The following CDKL2 variants were observed in gnomAD, a reference collection of about 807,000 sequenced individuals.
The protein encoded by CDKL2 is cyclin-dependent kinase-like 2.
Under a neutral mutation model 63.9 loss-of-function variants are expected in CDKL2, and 64 were observed. The ratio of observed to expected loss-of-function variants is 1.00; its 90% CI spans 0.82 to 1.23. CDKL2 has a LOEUF of 1.23. Ranked by LOEUF, CDKL2 falls within the 50% of genes most tolerant of loss-of-function variation. The pLI, the probability that CDKL2 is intolerant of heterozygous loss-of-function variation, is 0.00. For missense variants in CDKL2, 656 were observed against 668.0 expected, an observed-to-expected ratio of 0.98 and a Z score of 0.20; for synonymous variants, 211 against 229.2, an observed-to-expected ratio of 0.92 and a Z score of 0.72.
At chr4:75,581,220 G>A (rs1482630993) in intron 13 of CDKL2, among the ~76,000 whole-genome samples, 1 of 152,236 alleles carries the variant, frequency 6.6e-6, no homozygotes, top group South Asian at 2.1e-4. Flanking sequence ...TAACATCATA[G>A]TGCAATGCAT....
intron 12 of CDKL2, among the ~76,000 whole-genome samples, chr4:75,586,227 C>CTTTTTTTTTTTTT (rs61087984): frequency 6.9e-6 from 1 of 145,232 alleles, no homozygotes; most frequent in Non-Finnish European, 1.5e-5. Flanking sequence ...ACTAACCTTT[C>CTTTTTTTTTTTTT]TTTTTTTTTT....
At chr4:75,590,319 C>T in intron 12 of CDKL2, among the ~76,000 whole-genome samples, 1 of 152,156 alleles carries the variant, frequency 6.6e-6, no homozygotes, top group Non-Finnish European at 1.5e-5. Context: ...AGAGATAAGG[C>T]AAAGCAATCA....
chr4:75,600,359 T>C lies in CDKL2; in HGVS notation c.806A>G (p.His269Arg). ...VVIDLAKKCL[H>R]IDPDKRPFCA... ...GAAGGGTCTTTTGTCGGGGTCAATA[T>C]GTAAGCATTTCTGAAAAATTAAGAA... Residue 269 changes from histidine (H) to arginine (R), a missense_variant, in exon 7 of 14, where the codon CAT becomes CGT. His to Arg is a conservative substitution (Grantham distance 29). Coordinates refer to ENST00000307465, the MANE Select transcript of CDKL2 (RefSeq NM_001330724.2). 3.1e-6 allele frequency: 5 copies of C among 1,608,622 alleles called. No homozygotes were observed. Among genetic ancestry groups the C allele is most frequent in the Non-Finnish European group, 2.6e-6 (3 of 1,176,000 alleles).
chr4:75,592,152 C>T lies in CDKL2; in HGVS notation c.1534G>A (p.Gly512Ser), dbSNP rs1327076521. 6 of 1,532,462 alleles carry T rather than the reference C, an allele frequency of 3.9e-6. No individual in the cohort carries two copies. Among genetic ancestry groups the T allele is most frequent in the Non-Finnish European group, 5.2e-6 (6 of 1,145,924 alleles). The allele number at this position is 1,532,462 out of a possible 1,614,324, so 94.9% of individuals were successfully genotyped here. ...AAAAGCATTATCAACACACCTATGC[C>T]TCCCAGTGCTCTTAGTTCAGGGAGA... ...NHLPELRALG[G>S]IARNSRLTKK... The change falls in exon 11 of 14, where the codon GGC (glycine) becomes AGC (serine). Residue 512 changes from glycine to serine, a missense_variant. Physicochemically the swap from Gly to Ser is moderately conservative, Grantham distance 56. Transcript: ENST00000307465.
intron 1 of CDKL2, among the ~76,000 whole-genome samples, chr4:75,629,022 C>A (rs1730559656): frequency 1.3e-5 from 2 of 152,028 alleles, no homozygotes; most frequent in East Asian, 1.9e-4. Context: ...ACTTTCCATG[C>A]ATTTGACATT....
chr4:75,584,160 G>A lies in CDKL2; in HGVS notation c.1648-2262C>T, dbSNP rs555736175. 1.4e-4 allele frequency among the ~76,000 whole-genome samples: 22 copies of A among 152,282 alleles called. No homozygotes were observed. The East Asian group carries it at 3.9e-3, about 27-fold the overall frequency. ...TTACTAATTAGGATAGATTATCTTCGTGGGCCGAGTGTAATCATGTGAGCT... is the reference window on the plus strand; with the variant it reads ...TTACTAATTAGGATAGATTATCTTCATGGGCCGAGTGTAATCATGTGAGCT... On this transcript the variant is annotated intron_variant, in intron 12 of 13. Coordinates refer to ENST00000307465, the MANE Select transcript of CDKL2 (RefSeq NM_001330724.2).
chr4:75,585,391 G>A (rs1578313728), intron 12 of CDKL2, among the ~76,000 whole-genome samples: 1 of 151,914 alleles, frequency 6.6e-6, no homozygotes, highest in African/African-American at 2.4e-5. Flanking sequence ...ACACAGCAAG[G>A]CCAGCCACAA....
chr4:75,587,167 T>C (rs1223679908), intron 12 of CDKL2, among the ~76,000 whole-genome samples: 2 of 152,074 alleles, frequency 1.3e-5, no homozygotes, highest in African/African-American at 2.4e-5. Flanking sequence ...AAAAGGACAA[T>C]AAGAGGCCGG....
chr4:75,626,789 G>A (rs1730440788), intron 1 of CDKL2, among the ~76,000 whole-genome samples: 1 of 152,162 alleles, frequency 6.6e-6, no homozygotes, highest in Non-Finnish European at 1.5e-5. Context: ...TACTTGGGAG[G>A]CTGAGGCAGG....
Position 75,600,330 on chromosome 4 carries a change from C to G in CDKL2, c.835G>C (p.Ala279Pro). ...AAGAAATCATGGTGTAGGAGCTCAG[C>G]ACAGAAGGGTCTTTTGTCGGGGTCA... ...HIDPDKRPFCAELLHHDFFQM... is the reference protein window; with the variant it reads ...HIDPDKRPFCPELLHHDFFQM... Residue 279 changes from alanine to proline, a missense_variant, in exon 7 of 14, where the codon GCT becomes CCT. By Grantham distance (27) the Ala-to-Pro change is conservative. Coordinates refer to ENST00000307465, the MANE Select transcript of CDKL2 (RefSeq NM_001330724.2). 2 of 1,613,706 alleles carry G rather than the reference C, an allele frequency of 1.2e-6. No homozygotes were observed. The highest frequency in any genetic ancestry group is 1.7e-6 in the Non-Finnish European group (2 of 1,179,746).
At position 75,594,139 on chromosome 4, in the gene CDKL2, G is replaced by A. The variant is rs1224323782; in HGVS notation, c.1417-1870C>T. Among the ~76,000 whole-genome samples, 3 of 152,006 alleles carry A rather than the reference G, an allele frequency of 2.0e-5. No individual in the cohort carries two copies. The East Asian group carries it at 5.8e-4, about 29-fold the overall frequency. On this transcript the variant is annotated intron_variant, in intron 10 of 13. Transcript: ENST00000307465. ...TTCACTCTTTGAATATATTAATCTG[G>A]TAGTTTGAACTCATTTTTAAATTTT...
At chr4:75,621,253 AATGAC>A (rs1418932640) in intron 2 of CDKL2, among the ~76,000 whole-genome samples, 9 of 150,798 alleles carry the variant, frequency 6.0e-5, no homozygotes, top group African/African-American at 2.2e-4. Context: ...TAAAATGACA[AATGAC>A]ATTATTTGAT....
At chr4:75,622,547 C>G (rs1040852479) in intron 2 of CDKL2, among the ~76,000 whole-genome samples, 11 of 151,314 alleles carry the variant, frequency 7.3e-5, no homozygotes, top group Non-Finnish European at 1.3e-4. Context: ...GGTGAAACCC[C>G]GTCTCTACTA....
intron 12 of CDKL2, among the ~76,000 whole-genome samples, chr4:75,589,462 G>A (rs1265043795): frequency 1.3e-5 from 2 of 150,928 alleles, no homozygotes; most frequent in East Asian, 1.9e-4. Flanking sequence ...CTGCCACTAC[G>A]CCCGGCTAAT....
In CDKL2 at chr4:75,627,041, T is replaced by C. The variant is rs570285316; in HGVS notation, c.-29-1024A>G. Among the ~76,000 whole-genome samples, 8 of 149,842 alleles carry C rather than the reference T, an allele frequency of 5.3e-5. No individual in the cohort carries two copies. The South Asian group carries it at 1.7e-3, about 32-fold the overall frequency. ...CAACATGGTGAAACCCTGTCTCTAC[T>C]AAAATACAAAAATTAGCCAGGCATG... On this transcript the variant is annotated intron_variant, in intron 1 of 13. Coordinates refer to ENST00000307465, the MANE Select transcript of CDKL2 (RefSeq NM_001330724.2).
chr4:75,618,841 T>G (rs952720601), intron 2 of CDKL2, among the ~76,000 whole-genome samples: 2 of 151,986 alleles, frequency 1.3e-5, no homozygotes, highest in African/African-American at 4.8e-5. Flanking sequence ...AAAAACTACA[T>G]CCTCCAGAGT....
chr4:75,613,477 T>C (rs1250843910), intron 3 of CDKL2, among the ~76,000 whole-genome samples: 1 of 152,216 alleles, frequency 6.6e-6, no homozygotes, highest in Non-Finnish European at 1.5e-5. Context: ...ACAAAGAATG[T>C]CATTTAAAAT....
intron 2 of CDKL2, among the ~76,000 whole-genome samples, chr4:75,615,215 T>C (rs770059983): frequency 1.3e-5 from 2 of 152,148 alleles, no homozygotes; most frequent in Non-Finnish European, 2.9e-5. Context: ...GGAACACCAT[T>C]GTGAATTATG....
At chr4:75,606,723 C>A (rs977714479) in intron 4 of CDKL2, among the ~76,000 whole-genome samples, 1 of 152,120 alleles carries the variant, frequency 6.6e-6, no homozygotes, top group Non-Finnish European at 1.5e-5. Flanking sequence ...GACAACAGAA[C>A]TTGTAGAAAA....
Sources: gnomAD v4.1 joint callset for allele counts (sites outside exome capture counted in the v4.1 genomes callset) on GRCh38, gnomAD v4.1.1 for gene constraint, MANE v1.5 for transcripts, NCBI Gene and HGNC (gene_info 2026-07-23, HGNC 2026-07-21) for gene names.